Variants in GK observed in about 807,000 individuals in gnomAD.
The protein encoded by GK is glycerol kinase.
GK carries 9 observed loss-of-function variants against 56.4 expected under a neutral mutation model. The ratio of observed to expected loss-of-function variants is 0.16; its 90% CI spans 0.10 to 0.28. GK has a LOEUF of 0.28. GK is among the 10% of genes least tolerant of loss of function. The pLI, the probability that GK is intolerant of heterozygous loss-of-function variation, is 1.00. For missense variants in GK, 161 were observed against 431.4 expected, an observed-to-expected ratio of 0.37 and a Z score of 5.55; for synonymous variants, 104 against 144.1, an observed-to-expected ratio of 0.72 and a Z score of 1.99.
intron 4 of GK, among the ~76,000 whole-genome samples, chrX:30,682,517 T>C (rs1934336955): frequency 8.9e-6 from 1 of 112,072 alleles, no homozygotes; most frequent in African/African-American, 3.2e-5. Flanking sequence ...CCTTCAGTTT[T>C]ATTTCATCCA....
rs767073124 is a variant in GK, at chrX:30,719,463, G to A, written c.1099G>A (p.Val367Ile). The A allele has an allele frequency of 6.7e-6, 8 of 1,196,389 alleles. No individual in the cohort carries two copies. The highest frequency in any genetic ancestry group is 3.5e-5 in the South Asian group (2 of 56,349). ...AGGTACTTCTTATGGCTGCTACTTC[G>A]TCCCAGCATTTTCGGGGTTATATGC... ...EVGTSYGCYFVPAFSGLYAPY... is the reference protein window; with the variant it reads ...EVGTSYGCYFIPAFSGLYAPY... The change falls in exon 15 of 21, where the codon GTC becomes ATC. Residue 367 changes from valine to isoleucine, a missense_variant. Transcript: ENST00000427190.
chrX:30,716,117 G>A (rs1043499757), intron 13 of GK, among the ~76,000 whole-genome samples: 1 of 111,920 alleles, frequency 8.9e-6, no homozygotes, highest in African/African-American at 3.2e-5. Flanking sequence ...ATATCAGCAC[G>A]TGGTTTCCTA....
intron 4 of GK, among the ~76,000 whole-genome samples, chrX:30,686,014 G>A (rs1022211434): frequency 8.9e-6 from 1 of 112,520 alleles, no homozygotes; most frequent in Non-Finnish European, 1.9e-5. Context: ...GAAATGATTG[G>A]TTTATACATG....
chrX:30,667,402 C>T (rs112547298), intron 2 of GK, among the ~76,000 whole-genome samples: 5,871 of 111,033 alleles, frequency 0.053, 173 homozygotes, highest in Non-Finnish European at 0.077. Flanking sequence ...TTTCATCCTT[C>T]TGAGGCCCTG....
At chrX:30,699,368 C>T (rs868056444) in intron 9 of GK, among the ~76,000 whole-genome samples, 3 of 79,897 alleles carry the variant, frequency 3.8e-5, no homozygotes, top group African/African-American at 1.4e-4. Flanking sequence ...TACACACACA[C>T]TTTTTTTTTT....
At chrX:30,715,782 ATTATAT>A (rs1317845522) in intron 13 of GK, among the ~76,000 whole-genome samples, 1 of 112,100 alleles carries the variant, frequency 8.9e-6, no homozygotes. Context: ...CATACCATGT[ATTATAT>A]CCTGACAGCA....
chrX:30,661,460 A>T (rs888289365), intron 1 of GK, among the ~76,000 whole-genome samples: 1 of 110,654 alleles, frequency 9.0e-6, no homozygotes, highest in African/African-American at 3.3e-5. Context: ...CTGCAGACAC[A>T]TTGCAACTGC....
At chrX:30,662,839 T>C (rs867228914) in intron 1 of GK, among the ~76,000 whole-genome samples, 1,684 of 8,304 alleles carry the variant, frequency 0.2, 36 homozygotes, top group Middle Eastern at 0.25. Context: ...CTCTCTTTCT[T>C]TCTTTCTTTC....
At chrX:30,687,015 C>T (rs1404381541) in intron 4 of GK, among the ~76,000 whole-genome samples, 3 of 111,069 alleles carry the variant, frequency 2.7e-5, no homozygotes, top group Admixed American at 9.6e-5. Flanking sequence ...TGTGAAGGTG[C>T]CCTTTACTCC....
chrX:30,705,654 A>G (rs1425808643), intron 11 of GK, among the ~76,000 whole-genome samples: 1 of 112,898 alleles, frequency 8.9e-6, no homozygotes, highest in Non-Finnish European at 1.9e-5. Context: ...AGTACAATGT[A>G]CAATGAGGAA....
chrX:30,716,257 A>G (rs1719599808), intron 13 of GK, among the ~76,000 whole-genome samples: 1 of 111,838 alleles, frequency 8.9e-6, no homozygotes, highest in South Asian at 3.6e-4. Context: ...GTTAGATGCT[A>G]TTTAAGGACA....
At chrX:30,667,758 A>G (rs904312158) in intron 2 of GK, among the ~76,000 whole-genome samples, 4 of 112,343 alleles carry the variant, frequency 3.6e-5, no homozygotes, top group Non-Finnish European at 7.5e-5. Context: ...AAATAGGTAG[A>G]TATTTGCTGT....
At chrX:30,680,746 A>G (rs1252131043) in intron 4 of GK, among the ~76,000 whole-genome samples, 1 of 111,974 alleles carries the variant, frequency 8.9e-6, no homozygotes, top group Non-Finnish European at 1.9e-5. Context: ...CTGACAGGCT[A>G]AGCCACACTT....
rs1932538946 is a variant in GK, at chrX:30,659,166, G to A, written c.78+5551G>A. Among the ~76,000 whole-genome samples the A allele has an allele frequency of 2.7e-5, 3 of 111,033 alleles. No individual in the cohort carries two copies. In the South Asian group the frequency reaches 1.1e-3, roughly 42 times the overall value. On this transcript the variant is annotated intron_variant, in intron 1 of 20. Transcript: ENST00000427190. ...CCTGCCTAGCCTCCCCGAGTAGCTG[G>A]GATTACAGGAATGTGCCACCACATC...
At chrX:30,660,677 C>T (rs1369154559) in intron 1 of GK, among the ~76,000 whole-genome samples, 1 of 110,261 alleles carries the variant, frequency 9.1e-6, no homozygotes, top group Non-Finnish European at 1.9e-5. Context: ...GGCTGGAGCT[C>T]GATGTGCCCC....
intron 3 of GK, among the ~76,000 whole-genome samples, chrX:30,671,189 G>A (rs1933468241): frequency 9.4e-6 from 1 of 106,864 alleles, no homozygotes; most frequent in South Asian, 4.2e-4. Flanking sequence ...TACTTAGGAG[G>A]CTGAGGCAGG....
chrX:30,725,222 T>C (rs1481458610), intron 19 of GK, among the ~76,000 whole-genome samples: 1 of 111,624 alleles, frequency 9.0e-6, no homozygotes, highest in African/African-American at 3.3e-5. Context: ...ACAAATGAAA[T>C]AATACCTGCC....
chrX:30,690,817 T>C (rs891723992), intron 4 of GK, among the ~76,000 whole-genome samples: 1 of 111,992 alleles, frequency 8.9e-6, no homozygotes, highest in African/African-American at 3.2e-5. Flanking sequence ...TTAGAAAATC[T>C]ATATTCCAAA....
intron 5 of GK, among the ~76,000 whole-genome samples, chrX:30,691,891 T>C (rs1934954637): frequency 9.6e-6 from 1 of 104,178 alleles, no homozygotes; most frequent in Admixed American, 9.9e-5. Context: ...AGCCCTTTAT[T>C]GAACCCCTCT....
Sources: gnomAD v4.1 joint callset for allele counts (sites outside exome capture counted in the v4.1 genomes callset) on GRCh38, gnomAD v4.1.1 for gene constraint, MANE v1.5 for transcripts, NCBI Gene and HGNC (gene_info 2026-07-23, HGNC 2026-07-21) for gene names.